Variants in DOCK3 observed in about 807,000 individuals in gnomAD.
DOCK3 encodes the protein dedicator of cytokinesis 3.
DOCK3 carries 60 observed loss-of-function variants against 265.6 expected under a neutral mutation model. The observed-to-expected ratio is 0.23, with a 90% CI of 0.18 to 0.28. The LOEUF is 0.28. DOCK3 is among the 10% of genes least tolerant of loss of function. DOCK3 has a pLI of 1.00. For synonymous variants in DOCK3, 881 were observed against 938.0 expected, an observed-to-expected ratio of 0.94 and a Z score of 1.11; for missense variants, 1,981 against 2,594.3, an observed-to-expected ratio of 0.76 and a Z score of 5.14.
At chr3:51,175,003 A>T (rs1392570009) in intron 12 of DOCK3, among the ~76,000 whole-genome samples, 1 of 152,206 alleles carries the variant, frequency 6.6e-6, no homozygotes, top group Non-Finnish European at 1.5e-5. Flanking sequence ...GTGGCAGGCC[A>T]GTTACAGATG....
intron 1 of DOCK3, among the ~76,000 whole-genome samples, chr3:50,758,935 T>C (rs1434191272): frequency 6.6e-6 from 1 of 152,212 alleles, no homozygotes; most frequent in East Asian, 1.9e-4. Flanking sequence ...TGTTGTAGCA[T>C]GTCAAGATTT....
chr3:51,314,225 C>A (rs2083242560), intron 31 of DOCK3, among the ~76,000 whole-genome samples: 2 of 152,246 alleles, frequency 1.3e-5, no homozygotes, highest in South Asian at 4.1e-4. Flanking sequence ...TGGTAACATA[C>A]CCTAGATGGC....
chr3:50,870,704 A>T (rs796258621), intron 3 of DOCK3, among the ~76,000 whole-genome samples: 1 of 150,532 alleles, frequency 6.6e-6, no homozygotes, highest in African/African-American at 2.4e-5. Context: ...TTTCCATTCT[A>T]TCTTCTTTTT....
chr3:51,067,651 T>C (rs1235013687), intron 6 of DOCK3, among the ~76,000 whole-genome samples: 1 of 151,718 alleles, frequency 6.6e-6, no homozygotes, highest in Admixed American at 6.6e-5. Context: ...TTCCTTTTTT[T>C]CTTATTTTCT....
intron 12 of DOCK3, among the ~76,000 whole-genome samples, chr3:51,168,303 A>G (rs778493084): frequency 2.9e-4 from 44 of 152,370 alleles, no homozygotes; most frequent in Middle Eastern, 6.8e-3. Flanking sequence ...AAGCAAAAAG[A>G]GCAAAGCTGG....
chr3:50,789,403 C>A (rs1003100558), intron 2 of DOCK3, among the ~76,000 whole-genome samples: 1 of 152,126 alleles, frequency 6.6e-6, no homozygotes, highest in Non-Finnish European at 1.5e-5. Context: ...GTAATATGAT[C>A]TATCTTGGAG....
At chr3:51,197,094 A>G (rs756332170) in intron 12 of DOCK3, among the ~76,000 whole-genome samples, 1 of 152,210 alleles carries the variant, frequency 6.6e-6, no homozygotes, top group Non-Finnish European at 1.5e-5. Flanking sequence ...TGTGTGCAGT[A>G]GTGTCATCTC....
intron 12 of DOCK3, among the ~76,000 whole-genome samples, chr3:51,193,004 G>T (rs1335115564): frequency 6.6e-6 from 1 of 152,154 alleles, no homozygotes; most frequent in East Asian, 1.9e-4. Flanking sequence ...AGTTCTTAGA[G>T]GATAGGCTTT....
intron 35 of DOCK3, 106 bp from the exon 36 acceptor site, chr3:51,338,253 T>A: frequency 7.8e-7 from 1 of 1,284,948 alleles, no homozygotes; most frequent in Non-Finnish European, 1.1e-6. Context: ...GGAGGCCATC[T>A]CAATCTGGGA....
At chr3:51,320,348 C>T (rs1286423077) in intron 32 of DOCK3, among the ~76,000 whole-genome samples, 2 of 152,214 alleles carry the variant, frequency 1.3e-5, no homozygotes, top group Non-Finnish European at 2.9e-5. Flanking sequence ...GTGCCTATGC[C>T]ACCAGGGCCC....
intron 7 of DOCK3, among the ~76,000 whole-genome samples, chr3:51,085,639 A>G (rs1012888091): frequency 1.3e-5 from 2 of 152,204 alleles, no homozygotes; most frequent in East Asian, 1.9e-4. Flanking sequence ...TGGAAACACA[A>G]CATATCCAAA....
intron 51 of DOCK3, among the ~76,000 whole-genome samples, chr3:51,378,552 C>G (rs2088328994): frequency 6.6e-6 from 1 of 152,246 alleles, no homozygotes; most frequent in Admixed American, 6.5e-5. Context: ...GTGACAGCAC[C>G]TGGATTGTGA....
chr3:50,690,353 C>G lies in DOCK3; in HGVS notation c.37+15053C>G, dbSNP rs187141234. Among the ~76,000 whole-genome samples the G allele has an allele frequency of 3.9e-5, 6 of 151,962 alleles. No homozygotes were observed. In the East Asian group the frequency reaches 9.8e-4, roughly 25 times the overall value. On this transcript the variant is annotated intron_variant, in intron 1 of 52. Transcript: ENST00000266037. Reference sequence around the variant, plus strand: ...CTTGCCATGTTGCCTAGGCTGGTCTCAAACCCTTGGCCTCAAGAGACCCTT... The same window carrying G: ...CTTGCCATGTTGCCTAGGCTGGTCTGAAACCCTTGGCCTCAAGAGACCCTT...
intron 22 of DOCK3, among the ~76,000 whole-genome samples, chr3:51,257,204 C>A (rs1001272437): frequency 1.2e-4 from 19 of 152,206 alleles, no homozygotes; most frequent in African/African-American, 4.3e-4. Flanking sequence ...TTTATCAGGT[C>A]ATTTCCTCCT....
rs78310647 is a variant in DOCK3 at position 50,950,654 on chromosome 3, A to G, written c.315+16577A>G. On this transcript the variant is annotated intron_variant, in intron 5 of 52. Coordinates refer to ENST00000266037, the MANE Select transcript of DOCK3 (RefSeq NM_004947.5). ...CCCTCCTAATTCTAGGAGAGTACCT[A>G]CCTTCTAGAATTCCAGCCTTCCAGG... is the stretch of plus-strand genomic sequence containing the variant. 4.6e-5 allele frequency among the ~76,000 whole-genome samples: 7 copies of G among 152,040 alleles called. No homozygotes were observed. In the East Asian group the frequency reaches 1.2e-3, roughly 25 times the overall value.
At chr3:51,354,822 G>C in intron 40 of DOCK3, 60 bp from the exon 41 acceptor site, 1 of 1,581,454 alleles carries the variant, frequency 6.3e-7, no homozygotes. Flanking sequence ...CTGACTCCAG[G>C]GTGGAGGTGG....
At chr3:50,983,532 G>A (rs1225150252) in intron 5 of DOCK3, among the ~76,000 whole-genome samples, 2 of 152,214 alleles carry the variant, frequency 1.3e-5, no homozygotes, top group East Asian at 3.9e-4. Context: ...TGAAAGTTGA[G>A]CACTAGTCAG....
chr3:51,228,102 C>G lies in DOCK3; in HGVS notation c.1647+14C>G. The G allele has an allele frequency of 6.2e-7, 1 of 1,613,064 alleles. No homozygotes were observed. The highest frequency in any genetic ancestry group is 1.3e-5 in the African/African-American group (1 of 75,030). ...TATGTGTACAAGGTATGAAGCCTAG[C>G]TGCCTTTCATCCCCACCCCTTACCT... On this transcript the variant is annotated intron_variant, in intron 17 of 52. Transcript: ENST00000266037.
At chr3:51,323,981 A>C (rs895378633) in intron 32 of DOCK3, among the ~76,000 whole-genome samples, 1 of 152,220 alleles carries the variant, frequency 6.6e-6, no homozygotes, top group Non-Finnish European at 1.5e-5. Context: ...CTGAATGGCC[A>C]AAAACTGGAA....
Sources: gnomAD v4.1 joint callset for allele counts (sites outside exome capture counted in the v4.1 genomes callset) on GRCh38, gnomAD v4.1.1 for gene constraint, MANE v1.5 for transcripts, NCBI Gene and HGNC (gene_info 2026-07-23, HGNC 2026-07-21) for gene names.